The following CLSTN1 variants were observed in gnomAD, a reference collection of about 807,000 sequenced individuals.
CLSTN1 encodes calsyntenin 1.
In CLSTN1, 28 loss-of-function variants were observed where a neutral mutation model predicts 108.3. That is an observed-to-expected ratio of 0.26 (90% CI 0.19 to 0.35). The LOEUF is 0.35. CLSTN1 is among the 10% of genes least tolerant of loss of function. CLSTN1 has a pLI of 1.00. For missense variants in CLSTN1, 1,157 were observed against 1,302.6 expected (o/e 0.89, Z 1.72); for synonymous variants, 524 against 534.9 (o/e 0.98, Z 0.28).
intron 2 of CLSTN1, among the ~76,000 whole-genome samples, chr1:9,765,899 C>T (rs796453248): frequency 3.3e-5 from 5 of 152,116 alleles, no homozygotes; most frequent in African/African-American, 1.2e-4. Flanking sequence ...CAATTTCATG[C>T]AGGTCAACCA....
rs1353836848 is a variant in CLSTN1, at chr1:9,823,574, G to A, written c.91+69C>T. Reference sequence around the variant, plus strand: ...ACCCGGACCCGAATCCCCGCACCGGGACCCGAATCCTGCACCCGGACCCGA... The same window carrying A: ...ACCCGGACCCGAATCCCCGCACCGGAACCCGAATCCTGCACCCGGACCCGA... On this transcript the variant is annotated intron_variant, in intron 1 of 18. Transcript: ENST00000377298. This position sits in a 1 kb window ranked among gnomAD's most constrained non-coding sequence, Gnocchi z 6.3. The A allele has an allele frequency of 7.6e-6, 8 of 1,052,026 alleles. No individual in the cohort carries two copies. The highest frequency in any genetic ancestry group is 3.9e-5 in the East Asian group (1 of 25,672). 65.2% of individuals were successfully genotyped at this position (1,052,026 alleles called of 1,614,324 possible).
rs532483515 is a variant in CLSTN1, at chr1:9,737,392, G to T, written c.1576+106C>A. The T allele has an allele frequency of 2.0e-4, 194 of 992,416 alleles. No homozygotes were observed. The African/African-American group carries it at 2.7e-3, about 14-fold the overall frequency. The allele number at this position is 992,416 out of a possible 1,614,324, so 61.5% of individuals were successfully genotyped here. On this transcript the variant is annotated intron_variant, in intron 11 of 18. Transcript: ENST00000377298. ...AATGCAGGGAAGCAGCTCAGATGGTGTCCAGGACCAAAATGCAACTGGGGC... is the reference window on the plus strand; with the variant it reads ...AATGCAGGGAAGCAGCTCAGATGGTTTCCAGGACCAAAATGCAACTGGGGC...
At chr1:9,815,491 A>G (rs1654933343) in intron 1 of CLSTN1, among the ~76,000 whole-genome samples, 1 of 152,334 alleles carries the variant, frequency 6.6e-6, no homozygotes, top group East Asian at 1.9e-4. Flanking sequence ...TTGCACCTAG[A>G]CTAGGAAAAA....
At chr1:9,753,946 G>A (rs1651687449) in intron 4 of CLSTN1, among the ~76,000 whole-genome samples, 1 of 152,106 alleles carries the variant, frequency 6.6e-6, no homozygotes, top group Admixed American at 6.5e-5. Context: ...CCAAGTAGCT[G>A]AGACCACAGG....
At chr1:9,747,175 T>TC (rs1651310462) in intron 7 of CLSTN1, among the ~76,000 whole-genome samples, 4 of 52,650 alleles carry the variant, frequency 7.6e-5, no homozygotes, top group African/African-American at 2.8e-4. Flanking sequence ...GGAGACTGTC[T>TC]CAAAAAAAAA....
rs554491501 is a variant in CLSTN1 at position 9,736,212 on chromosome 1, A to T, written c.1577-170T>A. On this transcript the variant is annotated intron_variant, in intron 11 of 18. Coordinates refer to ENST00000377298, the MANE Select transcript of CLSTN1 (RefSeq NM_001009566.3). ...AATCTACATGGAAGCGCAATGAAGAAATTAAACCGTTTATGATCATGCACA... is the reference window on the plus strand; with the variant it reads ...AATCTACATGGAAGCGCAATGAAGATATTAAACCGTTTATGATCATGCACA... 2.0e-5 allele frequency among the ~76,000 whole-genome samples: 3 copies of T among 152,318 alleles called. No homozygotes were observed. In the South Asian group the frequency reaches 6.2e-4, roughly 32 times the overall value.
rs1489760049 is a variant in CLSTN1, at chr1:9,734,140, G to A, written c.2113C>T (p.Gln705Ter). ...ATCTCCTCGGACACCAGTGATTCTT[G>A]AACTGCAAAAGAGGCCCAACCAGAA... ...EGDGAEDPTV[Q>*]ESLVSEEIVH... Residue 705 changes from glutamine to a stop codon, truncating the protein, a stop_gained and splice_region_variant, in exon 15 of 19, where the codon CAA (glutamine) becomes TAA (stop). Coordinates refer to ENST00000377298, the MANE Select transcript of CLSTN1 (RefSeq NM_001009566.3). LOFTEE classifies it high-confidence loss of function. The surrounding 1 kb of genome is among the most constrained non-coding windows in gnomAD (Gnocchi z 4.8). The A allele has an allele frequency of 6.2e-7, 1 of 1,613,890 alleles. No individual in the cohort carries two copies. The highest frequency in any genetic ancestry group is 2.2e-5 in the East Asian group (1 of 44,872).
intron 1 of CLSTN1, among the ~76,000 whole-genome samples, chr1:9,775,831 G>A (rs1652911990): frequency 3.3e-5 from 5 of 152,146 alleles, no homozygotes; most frequent in Admixed American, 2.6e-4. Flanking sequence ...CAACATTCCA[G>A]GATGTGATGC....
intron 1 of CLSTN1, among the ~76,000 whole-genome samples, chr1:9,799,455 C>A (rs1654155908): frequency 6.6e-6 from 1 of 151,816 alleles, no homozygotes; most frequent in Admixed American, 6.6e-5. Flanking sequence ...TCCTGGCTAA[C>A]ACGGTGAAAC....
intron 1 of CLSTN1, among the ~76,000 whole-genome samples, chr1:9,775,791 A>C (rs1652909496): frequency 6.6e-6 from 1 of 152,104 alleles, no homozygotes; most frequent in African/African-American, 2.4e-5. Flanking sequence ...GGTTCTGTTA[A>C]GTGTGAGTCA....
chr1:9,770,622 T>C lies in CLSTN1; in HGVS notation c.214+2650A>G, dbSNP rs566839116. Among the ~76,000 whole-genome samples, 18 of 152,344 alleles carry C rather than the reference T, an allele frequency of 1.2e-4. No homozygotes were observed. In the South Asian group the frequency reaches 2.3e-3, roughly 19 times the overall value. The stretch of plus-strand genomic sequence containing the variant: ...AAGCGTATTTATTATCTTATGGTTA[T>C]TGGGGATTAAATACAAATTTATATT... On this transcript the variant is annotated intron_variant, in intron 2 of 18. Coordinates refer to ENST00000377298, the MANE Select transcript of CLSTN1 (RefSeq NM_001009566.3).
At chr1:9,746,676 T>C (rs1401430194) in intron 7 of CLSTN1, among the ~76,000 whole-genome samples, 1 of 151,604 alleles carries the variant, frequency 6.6e-6, no homozygotes, top group Non-Finnish European at 1.5e-5. Context: ...ATAGCACGAT[T>C]GCATTCCAGC....
In CLSTN1 at chr1:9,734,208, T is replaced by A. The variant is rs145634961; in HGVS notation, c.2111-66A>T. 1 of 1,504,594 alleles carries A rather than the reference T, an allele frequency of 6.6e-7. No homozygotes were observed. Among genetic ancestry groups the A allele is most frequent in the Admixed American group, 1.8e-5 (1 of 56,520 alleles). The allele number at this position is 1,504,594 out of a possible 1,614,324, so 93.2% of individuals were successfully genotyped here. A position where few individuals can be genotyped will look rare whatever the true frequency, so the allele number is the denominator to read the frequency against. ...TGGGGCCCAGCGTGGCGGGGCACAC[T>A]GGATGCCCTGCCGGCTCACCCCAAA... On this transcript the variant is annotated intron_variant, in intron 14 of 18. Coordinates refer to ENST00000377298, the MANE Select transcript of CLSTN1 (RefSeq NM_001009566.3). The surrounding 1 kb of genome is among the most constrained non-coding windows in gnomAD (Gnocchi z 4.8).
chr1:9,823,618 G>A lies in CLSTN1; in HGVS notation c.91+25C>T. On this transcript the variant is annotated intron_variant, in intron 1 of 18. Transcript: ENST00000377298. This position sits in a 1 kb window ranked among gnomAD's most constrained non-coding sequence, Gnocchi z 6.3. ...GACCCGAATCCCGCACCGACCCAGC[G>A]GCCCGGCCCAGCCCCGGGGCTTACC... is the stretch of plus-strand genomic sequence containing the variant. The A allele has an allele frequency of 1.7e-6, 2 of 1,178,182 alleles. No individual in the cohort carries two copies. Among genetic ancestry groups the A allele is most frequent in the Non-Finnish European group, 2.1e-6 (2 of 951,198 alleles). The allele number at this position is 1,178,182 out of a possible 1,614,324, so 73.0% of individuals were successfully genotyped here.
intron 5 of CLSTN1, among the ~76,000 whole-genome samples, chr1:9,750,902 A>G (rs1212194765): frequency 1.3e-5 from 2 of 151,678 alleles, no homozygotes; most frequent in African/African-American, 4.8e-5. Flanking sequence ...AATACAAACA[A>G]CAACAACAAA....
intron 1 of CLSTN1, among the ~76,000 whole-genome samples, chr1:9,776,811 TATCAGCATTTATCTATC>T (rs1193518479): frequency 6.6e-6 from 1 of 151,862 alleles, no homozygotes; most frequent in Non-Finnish European, 1.5e-5. Flanking sequence ...TCTATCTATC[TATCAGCATTTATCTATC>T]ATCTATCAGC....
Position 9,790,033 on chromosome 1 carries a change from T to C in CLSTN1, c.92-16639A>G, listed in dbSNP as rs1182219009. 2.0e-5 allele frequency among the ~76,000 whole-genome samples: 3 copies of C among 151,594 alleles called. 1 individual carries two copies. In the East Asian group the frequency reaches 5.9e-4, roughly 30 times the overall value. ...ACCATAATGGCAGTATTACCTAAAA[T>C]TTCACAATTATTTAATATCATCAAA... On this transcript the variant is annotated intron_variant, in intron 1 of 18. Transcript: ENST00000377298.
chr1:9,793,266 G>T lies in CLSTN1; in HGVS notation c.92-19872C>A, dbSNP rs751550936. The stretch of plus-strand genomic sequence containing the variant: ...GACGTCAGGTGATCCACCAGTCTCA[G>T]CCTCCCAAAGTGTTGGGATTACAGG... On this transcript the variant is annotated intron_variant, in intron 1 of 18. Transcript: ENST00000377298. Among the ~76,000 whole-genome samples the T allele has an allele frequency of 2.6e-5, 4 of 151,438 alleles. 1 individual carries two copies. Among genetic ancestry groups the T allele is most frequent in the Non-Finnish European group, 2.9e-5 (2 of 68,010 alleles).
rs372016780 is a variant in CLSTN1 at position 9,751,647 on chromosome 1, C to G, written c.475G>C (p.Glu159Gln). 1.9e-6 allele frequency: 3 copies of G among 1,614,144 alleles called. No individual in the cohort carries two copies. The highest frequency in any genetic ancestry group is 2.5e-6 in the Non-Finnish European group (3 of 1,180,028). The change falls in exon 5 of 19, where the codon GAG becomes CAG. Residue 159 changes from glutamate (E) to glutamine (Q), a missense_variant. Physicochemically the swap from Glu to Gln is conservative, Grantham distance 29 (BLOSUM62 2). Transcript: ENST00000377298. ...TVHIQVNDVN[E>Q]YAPVFKEKSY... ...TTCTCCTTGAACACGGGCGCGTACTCATTCACGTCGTTCACCTGAATATGA... is the reference window on the plus strand; with the variant it reads ...TTCTCCTTGAACACGGGCGCGTACTGATTCACGTCGTTCACCTGAATATGA...
Sources: allele counts gnomAD v4.1 joint callset (sites outside exome capture counted in the v4.1 genomes callset), GRCh38; gene constraint gnomAD v4.1.1; non-coding constraint Gnocchi (gnomAD v3.1); transcripts MANE v1.5; gene names NCBI Gene and HGNC (gene_info 2026-07-23, HGNC 2026-07-21).